The following ATP11A variants were observed in gnomAD, a reference collection of about 807,000 sequenced individuals.
The protein encoded by ATP11A is phospholipid-transporting ATPase IH.
Under a neutral mutation model 154.4 loss-of-function variants are expected in ATP11A, and 81 were observed. That is an observed-to-expected ratio of 0.52 (90% CI 0.44 to 0.63). The LOEUF is 0.63. Ranked by LOEUF, ATP11A falls within the 30% of genes least tolerant of loss-of-function variation. The pLI is 0.00. For synonymous variants in ATP11A, 623 were observed against 585.9 expected (o/e 1.06, Z -0.91); for missense variants, 1,316 against 1,474.3 (o/e 0.89, Z 1.76).
rs903410361 is a variant in ATP11A, at chr13:112,785,999, G to A, written c.162+742G>A. Among the ~76,000 whole-genome samples the A allele has an allele frequency of 2.5e-5, 3 of 119,598 alleles. No individual in the cohort carries two copies. Among genetic ancestry groups the A allele is most frequent in the African/African-American group, 6.6e-5 (2 of 30,514 alleles). The allele number at this position is 119,598 out of a possible 152,430, so 78.5% of individuals were successfully genotyped here. A position where few individuals can be genotyped will look rare whatever the true frequency, so the allele number is the denominator to read the frequency against. ...GGATGAGCTAAACCCACGCACACGC[G>A]TGGACGGGCTGCACATGGGGTAAAC... On this transcript the variant is annotated intron_variant, in intron 2 of 29. Transcript: ENST00000375645. This position sits in a 1 kb window ranked among gnomAD's most constrained non-coding sequence, Gnocchi z 4.8.
At position 112,883,282 on chromosome 13, in the gene ATP11A, G is replaced by C. The variant is rs948520818; in HGVS notation, c.*1416G>C. ...TGATAGGAAGTCCCTGTTGTTCTCC[G>C]TACTGGCATTTCTATTTCTAGAAAT... On this transcript the variant is annotated 3_prime_UTR_variant, in exon 30 of 30. Coordinates refer to ENST00000375645, the MANE Select transcript of ATP11A (RefSeq NM_015205.3). 7 of 398,412 alleles carry C rather than the reference G, an allele frequency of 1.8e-5. No individual in the cohort carries two copies. The highest frequency in any genetic ancestry group is 1.0e-4 in the African/African-American group (5 of 48,596). 24.7% of individuals were successfully genotyped at this position (398,412 alleles called of 1,614,324 possible).
At chr13:112,775,910 G>C (rs1169642192) in intron 1 of ATP11A, among the ~76,000 whole-genome samples, 1 of 152,102 alleles carries the variant, frequency 6.6e-6, no homozygotes, top group Non-Finnish European at 1.5e-5. Context: ...CAGCAAGTAC[G>C]CCCCCGTCCC....
In ATP11A at chr13:112,833,102, C is replaced by T. The variant is rs1036073408; in HGVS notation, c.1559+79C>T. ...CCCAGCCCCAGTCAGGGATTTGCAC[C>T]TAGAGGCGTCCTCAGCCCCACCCTG... On this transcript the variant is annotated intron_variant, in intron 14 of 29. Coordinates refer to ENST00000375645, the MANE Select transcript of ATP11A (RefSeq NM_015205.3). 15 of 1,533,720 alleles carry T rather than the reference C, an allele frequency of 9.8e-6. No individual in the cohort carries two copies. In the African/African-American group the frequency reaches 1.6e-4, roughly 17 times the overall value.
chr13:112,740,480 T>TAA (rs781460195), intron 1 of ATP11A, among the ~76,000 whole-genome samples: 12 of 152,144 alleles, frequency 7.9e-5, no homozygotes, highest in Non-Finnish European at 1.5e-4. Context: ...GCCCAAATCT[T>TAA]TCTTAAGTTG....
chr13:112,875,676 A>G lies in ATP11A; in HGVS notation c.3162-100A>G, dbSNP rs985275937. On this transcript the variant is annotated intron_variant, in intron 27 of 29. Coordinates refer to ENST00000375645, the MANE Select transcript of ATP11A (RefSeq NM_015205.3). This position sits in a 1 kb window ranked among gnomAD's most constrained non-coding sequence, Gnocchi z 4.1. ...GCTTGCCAAGCAACTCTCACTGACAAAAGTGTAAACTCCCTGAACAGACGG... is the reference window on the plus strand; with the variant it reads ...GCTTGCCAAGCAACTCTCACTGACAGAAGTGTAAACTCCCTGAACAGACGG... 40 of 1,364,556 alleles carry G rather than the reference A, an allele frequency of 2.9e-5. 1 individual carries two copies. The African/African-American group carries it at 5.8e-4, about 20-fold the overall frequency. The allele number at this position is 1,364,556 out of a possible 1,614,324, so 84.5% of individuals were successfully genotyped here. A position where few individuals can be genotyped will look rare whatever the true frequency, so the allele number is the denominator to read the frequency against.
intron 1 of ATP11A, among the ~76,000 whole-genome samples, chr13:112,736,813 T>C (rs1486684694): frequency 1.3e-5 from 2 of 152,148 alleles, no homozygotes; most frequent in East Asian, 1.9e-4. Flanking sequence ...TTAAAAACTT[T>C]TGTGCTTCAA....
intron 29 of ATP11A, chr13:112,880,998 C>A: frequency 1.0e-6 from 1 of 990,786 alleles, no homozygotes. Flanking sequence ...GCTTTGAAAT[C>A]AAACGTGGTT....
chr13:112,807,315 A>G lies in ATP11A; in HGVS notation c.333+1022A>G, dbSNP rs1250338529. Among the ~76,000 whole-genome samples, 1 of 152,230 alleles carries G rather than the reference A, an allele frequency of 6.6e-6. No homozygotes were observed. The highest frequency in any genetic ancestry group is 1.5e-5 in the Non-Finnish European group (1 of 68,046). ...TACATGGGGCCTGTGTGTCTTCACTAGGCCAGAGCCGGCCGTGCCTACCGG... is the reference window on the plus strand; with the variant it reads ...TACATGGGGCCTGTGTGTCTTCACTGGGCCAGAGCCGGCCGTGCCTACCGG... On this transcript the variant is annotated intron_variant, in intron 4 of 29. Coordinates refer to ENST00000375645, the MANE Select transcript of ATP11A (RefSeq NM_015205.3). This position sits in a 1 kb window ranked among gnomAD's most constrained non-coding sequence, Gnocchi z 4.5.
At chr13:112,719,389 TTTA>T (rs1888891636) in intron 1 of ATP11A, among the ~76,000 whole-genome samples, 2 of 152,264 alleles carry the variant, frequency 1.3e-5, no homozygotes, top group African/African-American at 2.4e-5. Flanking sequence ...TTGAAACACT[TTTA>T]AAATGTAAGA....
chr13:112,874,844 G>A (rs1274550468), intron 27 of ATP11A, among the ~76,000 whole-genome samples: 2 of 152,168 alleles, frequency 1.3e-5, no homozygotes, highest in African/African-American at 2.4e-5. Context: ...CCCTGAAGGC[G>A]ATGGCTCTGT....
chr13:112,874,318 G>A (rs1354607595), intron 27 of ATP11A, among the ~76,000 whole-genome samples: 1 of 152,238 alleles, frequency 6.6e-6, no homozygotes, highest in African/African-American at 2.4e-5. Flanking sequence ...GTGGCCTCCT[G>A]GACCGCCGGC....
chr13:112,766,412 G>A (rs962841048), intron 1 of ATP11A, among the ~76,000 whole-genome samples: 4 of 152,180 alleles, frequency 2.6e-5, no homozygotes, highest in African/African-American at 9.6e-5. Flanking sequence ...GTGCTGGGGG[G>A]AGAAGCCCCT....
intron 1 of ATP11A, among the ~76,000 whole-genome samples, chr13:112,693,751 A>T (rs897672958): frequency 1.4e-4 from 22 of 152,152 alleles, no homozygotes; most frequent in Non-Finnish European, 2.5e-4. Flanking sequence ...CAGGAGTTCA[A>T]GACCAACCTG....
At position 112,831,384 on chromosome 13, in the gene ATP11A, A is replaced by C; in HGVS notation, c.1231A>C (p.Ile411Leu). Reference sequence around the variant, plus strand: ...TGTGCCCTGCCCGCAGGTGGAGTACATCTTCACAGACAAGACCGGCACCCT... The same window carrying C: ...TGTGCCCTGCCCGCAGGTGGAGTACCTCTTCACAGACAAGACCGGCACCCT... The part of the protein sequence containing the change: ...LNEELGQVEY[I>L]FTDKTGTLTE... The change falls in exon 13 of 30, where the codon ATC (isoleucine) becomes CTC (leucine). Residue 411 changes from isoleucine to leucine, a missense_variant. Ile to Leu is a conservative substitution (Grantham distance 5, BLOSUM62 2). Coordinates refer to ENST00000375645, the MANE Select transcript of ATP11A (RefSeq NM_015205.3). 2 of 1,614,104 alleles carry C rather than the reference A, an allele frequency of 1.2e-6. No homozygotes were observed. Among genetic ancestry groups the C allele is most frequent in the Middle Eastern group, 1.6e-4 (1 of 6,062 alleles).
intron 24 of ATP11A, among the ~76,000 whole-genome samples, chr13:112,862,034 G>GCGTCA (rs1182536420): frequency 4.6e-5 from 7 of 152,160 alleles, no homozygotes; most frequent in Admixed American, 4.6e-4. Context: ...GTCACGTCAG[G>GCGTCA]CGTAAGGTGT....
chr13:112,886,557 G>A lies in ATP11A; in HGVS notation c.*4691G>A, dbSNP rs1472934123. Reference sequence around the variant, plus strand: ...CAATCTTTTTTTTTTTTAAGCTAAAGGTGGGTGAACTGGAATGAAAATCTT... The same window carrying A: ...CAATCTTTTTTTTTTTTAAGCTAAAAGTGGGTGAACTGGAATGAAAATCTT... On this transcript the variant is annotated 3_prime_UTR_variant, in exon 30 of 30. Transcript: ENST00000375645. 1.3e-5 allele frequency: 2 copies of A among 152,178 alleles called. No homozygotes were observed. The highest frequency in any genetic ancestry group is 6.6e-5 in the Admixed American group (1 of 15,244). The allele number at this position is 152,178 out of a possible 1,614,324, so 9.4% of individuals were successfully genotyped here. A position where few individuals can be genotyped will look rare whatever the true frequency, so the allele number is the denominator to read the frequency against.
intron 26 of ATP11A, among the ~76,000 whole-genome samples, chr13:112,872,942 T>C (rs1276076593): frequency 4.0e-5 from 6 of 149,626 alleles, no homozygotes; most frequent in Admixed American, 6.6e-5. Context: ...GGCTTTGTCT[T>C]CCTGAGCGGT....
intron 1 of ATP11A, among the ~76,000 whole-genome samples, chr13:112,780,802 A>G (rs894237317): frequency 6.6e-6 from 1 of 152,006 alleles, no homozygotes; most frequent in Non-Finnish European, 1.5e-5. Context: ...CTTGACATAG[A>G]CAGTTTGGTG....
chr13:112,813,751 T>C (rs1271314121), intron 5 of ATP11A, among the ~76,000 whole-genome samples: 2 of 151,992 alleles, frequency 1.3e-5, no homozygotes, highest in Non-Finnish European at 2.9e-5. Flanking sequence ...TCACCAGCAC[T>C]GGGTGTTACT....
Sources: gnomAD v4.1 joint callset for allele counts (sites outside exome capture counted in the v4.1 genomes callset) on GRCh38, gnomAD v4.1.1 for gene constraint, Gnocchi (gnomAD v3.1) non-coding constraint, MANE v1.5 for transcripts, NCBI Gene and HGNC (gene_info 2026-07-23, HGNC 2026-07-21) for gene names.